Variants in BRWD1 observed in about 807,000 individuals in gnomAD.
The protein encoded by BRWD1 is bromodomain and WD repeat domain containing 1, also known as bromodomain and WD repeat-containing protein 1.
A neutral mutation model predicts 251.2 loss-of-function variants in BRWD1; 82 were observed. The observed-to-expected ratio is 0.33, with a 90% CI of 0.27 to 0.39. BRWD1 has a LOEUF of 0.39. Ranked by LOEUF, BRWD1 falls within the 10% of genes least tolerant of loss-of-function variation. The pLI is 1.00. For missense variants in BRWD1, 2,233 were observed against 2,711.6 expected (o/e 0.82, Z 3.92); for synonymous variants, 918 against 902.8 (o/e 1.02, Z -0.30).
At chr21:39,307,889 G>T (rs77318203) in intron 4 of BRWD1, among the ~76,000 whole-genome samples, 2,312 of 152,198 alleles carry the variant, frequency 0.015, 56 homozygotes, top group African/African-American at 0.053. Context: ...TGACTATAGA[G>T]ATCTATCATT....
intron 23 of BRWD1, among the ~76,000 whole-genome samples, chr21:39,234,056 T>C (rs13339986): frequency 0.25 from 37,912 of 152,040 alleles, 5,754 homozygotes; most frequent in Non-Finnish European, 0.35. Context: ...TTTTAAAAAG[T>C]TTATGTGTGA....
chr21:39,228,950 A>T (rs1329171119), intron 26 of BRWD1, among the ~76,000 whole-genome samples: 1 of 152,220 alleles, frequency 6.6e-6, no homozygotes, highest in Non-Finnish European at 1.5e-5. Context: ...AGCAGTAGCC[A>T]CATGTGACTA....
Position 39,187,497 on chromosome 21 carries a change from C to A in BRWD1, c.*8762G>T. On this transcript the variant is annotated 3_prime_UTR_variant, in exon 41 of 41. Coordinates refer to ENST00000342449, the MANE Select transcript of BRWD1 (RefSeq NM_033656.4). ...TACTACTGCTAACATTCCTCAACAA[C>A]ACTCATTCGGAAACAATAAATTTAA... 6.8e-7 allele frequency: 1 copy of A among 1,468,704 alleles called. No homozygotes were observed. The highest frequency in any genetic ancestry group is 1.4e-5 in the African/African-American group (1 of 70,704). The allele number at this position is 1,468,704 out of a possible 1,614,324, so 91.0% of individuals were successfully genotyped here.
At chr21:39,214,060 G>C (rs925913500) in intron 32 of BRWD1, among the ~76,000 whole-genome samples, 2 of 152,016 alleles carry the variant, frequency 1.3e-5, no homozygotes, top group African/African-American at 4.8e-5. Context: ...TAATTTTCCT[G>C]AAGTAAGAAC....
At chr21:39,213,429 A>G in intron 33 of BRWD1, 52 bp downstream of exon 33, 1 of 1,454,776 alleles carries the variant, frequency 6.9e-7, no homozygotes, top group Non-Finnish European at 9.6e-7. Context: ...TTCACTTTAA[A>G]AATACCATTT....
upstream of BRWD1, chr21:39,314,211 G>T (rs1291625570): frequency 2.2e-6 from 1 of 455,706 alleles, no homozygotes; most frequent in Non-Finnish European, 4.4e-6. Context: ...AACGCCGCCC[G>T]GACCCGCGCT....
intron 4 of BRWD1, among the ~76,000 whole-genome samples, chr21:39,311,705 T>C (rs959824914): frequency 6.6e-6 from 1 of 152,226 alleles, no homozygotes; most frequent in Non-Finnish European, 1.5e-5. Flanking sequence ...TTAGAACTCA[T>C]TCCCTTGAAA....
rs371861002 is a variant in BRWD1, at chr21:39,194,909, G to C, written c.*1350C>G. 8 of 1,516,790 alleles carry C rather than the reference G, an allele frequency of 5.3e-6. No individual in the cohort carries two copies. Among genetic ancestry groups the C allele is most frequent in the Middle Eastern group, 3.5e-4 (2 of 5,776 alleles). 94.0% of individuals were successfully genotyped at this position (1,516,790 alleles called of 1,614,324 possible). A position where few individuals can be genotyped will look rare whatever the true frequency, so the allele number is the denominator to read the frequency against. ...TAGGGCTAATAAATAACTTACAGGT[G>C]GGGTACTGTAACATATCCCTTACCC... On this transcript the variant is annotated 3_prime_UTR_variant, in exon 41 of 41. Transcript: ENST00000342449.
upstream of BRWD1, among the ~76,000 whole-genome samples, chr21:39,317,972 C>T (rs1030127867): frequency 1.6e-4 from 25 of 152,110 alleles, no homozygotes; most frequent in African/African-American, 5.8e-4. Flanking sequence ...ATCACTTGAG[C>T]CCAGGAGTTT....
chr21:39,202,768 G>T (rs1407120539), intron 37 of BRWD1, among the ~76,000 whole-genome samples: 1 of 152,144 alleles, frequency 6.6e-6, no homozygotes, highest in African/African-American at 2.4e-5. Flanking sequence ...TTGGAGTAAT[G>T]AATCAATGTT....
intron 8 of BRWD1, among the ~76,000 whole-genome samples, chr21:39,281,675 C>T (rs1350685107): frequency 6.6e-6 from 1 of 152,052 alleles, no homozygotes; most frequent in Admixed American, 6.6e-5. Context: ...ACTAAAAATA[C>T]AAAAATTAGC....
intron 2 of BRWD1, 52 bp downstream of exon 2, chr21:39,313,189 G>GCGGGGACACTGGGGACGC: frequency 1.3e-6 from 2 of 1,510,514 alleles, no homozygotes; most frequent in Non-Finnish European, 1.8e-6. Context: ...ACCCCCGGCG[G>GCGGGGACACTGGGGACGC]CGGGGACACT....
intron 4 of BRWD1, among the ~76,000 whole-genome samples, chr21:39,309,010 C>A (rs2036379266): frequency 6.6e-6 from 1 of 151,986 alleles, no homozygotes; most frequent in Non-Finnish European, 1.5e-5. Flanking sequence ...GCCGTCTCTA[C>A]TAAAACTACG....
intron 27 of BRWD1, among the ~76,000 whole-genome samples, chr21:39,225,609 A>G (rs1267321309): frequency 6.6e-6 from 1 of 152,202 alleles, no homozygotes; most frequent in Non-Finnish European, 1.5e-5. Flanking sequence ...TTTCTCAAGG[A>G]AAGTTTTATA....
chr21:39,296,603 G>T (rs2035968678), intron 5 of BRWD1: 10 of 1,085,300 alleles, frequency 9.2e-6, no homozygotes, highest in African/African-American at 1.6e-5. Context: ...TTCACAAAGT[G>T]CTTTCAACAT....
chr21:39,306,571 T>C (rs1027142538), intron 4 of BRWD1, among the ~76,000 whole-genome samples: 9 of 152,172 alleles, frequency 5.9e-5, no homozygotes, highest in African/African-American at 2.2e-4. Flanking sequence ...TTGAATAATG[T>C]GTTACATTTT....
chr21:39,312,142 C>T (rs750367011), intron 4 of BRWD1, among the ~76,000 whole-genome samples: 42 of 152,128 alleles, frequency 2.8e-4, no homozygotes, highest in Admixed American at 3.3e-4. Flanking sequence ...AAACATTAAC[C>T]AAGTTCACAA....
Position 39,190,044 on chromosome 21 carries a change from T to C in BRWD1, c.*6215A>G. 2 of 985,394 alleles carry C rather than the reference T, an allele frequency of 2.0e-6. No individual in the cohort carries two copies. The highest frequency in any genetic ancestry group is 2.4e-6 in the Non-Finnish European group (2 of 829,902). 61.0% of individuals were successfully genotyped at this position (985,394 alleles called of 1,614,324 possible). ...CAAGAACACATCAGTAGTGTAAAAC[T>C]GTACATCTGTAGTAGCACTCCATGA... is the stretch of plus-strand genomic sequence containing the variant. On this transcript the variant is annotated 3_prime_UTR_variant, in exon 41 of 41. Coordinates refer to ENST00000342449, the MANE Select transcript of BRWD1 (RefSeq NM_033656.4).
At chr21:39,213,379 G>A (rs2146500798) in intron 33 of BRWD1, 102 bp downstream of exon 33, 1 of 932,452 alleles carries the variant, frequency 1.1e-6, no homozygotes, top group East Asian at 2.5e-5. Flanking sequence ...TTTGTTCATT[G>A]GACTACTACA....
Sources: allele counts gnomAD v4.1 joint callset (sites outside exome capture counted in the v4.1 genomes callset), GRCh38; gene constraint gnomAD v4.1.1; transcripts MANE v1.5; gene names NCBI Gene and HGNC (gene_info 2026-07-23, HGNC 2026-07-21).